Variants in MACROD2 observed in about 807,000 individuals in gnomAD.
MACROD2 encodes ADP-ribose glycohydrolase MACROD2.
A neutral mutation model predicts 70.4 loss-of-function variants in MACROD2; 36 were observed. The observed-to-expected ratio is 0.51, with a 90% confidence interval of 0.39 to 0.68. The LOEUF is 0.68. MACROD2 is among the 30% of genes least tolerant of loss of function. The probability of loss-of-function intolerance (pLI) is 0.00; values close to 1 mark genes in which losing one functional copy is unlikely to be tolerated. For synonymous variants in MACROD2, 172 were observed against 178.8 expected (o/e 0.96, Z 0.30); for missense variants, 496 against 538.4 (o/e 0.92, Z 0.78).
At chr20:15,078,014 ACTCTTCAG>A (rs1422528547) in intron 5 of MACROD2, among the ~76,000 whole-genome samples, 1 of 151,940 alleles carries the variant, frequency 6.6e-6, no homozygotes, top group African/African-American at 2.4e-5. Context: ...CCAAGCCATT[ACTCTTCAG>A]CTTTCACTGA....
At chr20:14,817,100 C>T (rs1482214997) in intron 5 of MACROD2, among the ~76,000 whole-genome samples, 3 of 152,012 alleles carry the variant, frequency 2.0e-5, no homozygotes, top group Non-Finnish European at 2.9e-5. Context: ...TTTAAGCTGC[C>T]GATTTACAGT....
intron 5 of MACROD2, among the ~76,000 whole-genome samples, chr20:15,134,047 C>T (rs1356470362): frequency 6.0e-5 from 9 of 149,744 alleles, no homozygotes; most frequent in Admixed American, 6.0e-4. Flanking sequence ...GCTGGGAATA[C>T]AGGTGCCCGC....
At chr20:14,852,750 T>C (rs1041808830) in intron 5 of MACROD2, among the ~76,000 whole-genome samples, 1 of 152,172 alleles carries the variant, frequency 6.6e-6, no homozygotes, top group Non-Finnish European at 1.5e-5. Context: ...AAGCAAATTT[T>C]TTGCAGAAAT....
intron 7 of MACROD2, among the ~76,000 whole-genome samples, chr20:15,434,160 AC>A (rs1030071112): frequency 7.2e-5 from 11 of 152,112 alleles, no homozygotes; most frequent in African/African-American, 2.7e-4. Context: ...AGCAGATGCA[AC>A]AAAAACAAAA....
chr20:14,782,197 T>C (rs977118165), intron 5 of MACROD2, among the ~76,000 whole-genome samples: 1 of 152,066 alleles, frequency 6.6e-6, no homozygotes, highest in Non-Finnish European at 1.5e-5. Context: ...GTGCTGGGAT[T>C]ATAGGCATGA....
chr20:14,961,708 C>T (rs772343139), intron 5 of MACROD2, among the ~76,000 whole-genome samples: 5 of 152,152 alleles, frequency 3.3e-5, no homozygotes, highest in East Asian at 1.9e-4. Context: ...TGAGTCACTG[C>T]GCCAGCCTAA....
intron 6 of MACROD2, among the ~76,000 whole-genome samples, chr20:15,405,386 A>C (rs1194189278): frequency 6.6e-6 from 1 of 152,148 alleles, no homozygotes; most frequent in Non-Finnish European, 1.5e-5. Context: ...TCTTCTCTTT[A>C]CCCTCAAATA....
chr20:14,177,477 TG>T (rs2081272354), intron 3 of MACROD2, among the ~76,000 whole-genome samples: 1 of 151,922 alleles, frequency 6.6e-6, no homozygotes, highest in Admixed American at 6.6e-5. Context: ...CCACCACGCC[TG>T]GCTAATTTTG....
intron 8 of MACROD2, among the ~76,000 whole-genome samples, chr20:15,558,247 C>T (rs2048195155): frequency 2.0e-5 from 3 of 152,188 alleles, no homozygotes; most frequent in African/African-American, 7.2e-5. Flanking sequence ...GTGGCCATTC[C>T]ATTCTGATTA....
At chr20:15,759,305 T>C (rs1396009880) in intron 8 of MACROD2, among the ~76,000 whole-genome samples, 2 of 151,972 alleles carry the variant, frequency 1.3e-5, no homozygotes, top group African/African-American at 4.8e-5. Context: ...AAAAAGACAA[T>C]ATAGTACTTA....
chr20:15,525,413 G>A (rs1321850245), intron 8 of MACROD2, among the ~76,000 whole-genome samples: 1 of 152,162 alleles, frequency 6.6e-6, no homozygotes, highest in African/African-American at 2.4e-5. Context: ...CTTTACAACA[G>A]TATGTCCAGT....
chr20:14,383,914 ATCATTT>A (rs1367693096), intron 3 of MACROD2, among the ~76,000 whole-genome samples: 2 of 152,116 alleles, frequency 1.3e-5, no homozygotes, highest in African/African-American at 4.8e-5. Context: ...TTTCCATTAA[ATCATTT>A]ACCAGGGTTT....
chr20:15,827,247 A>G (rs570935098), intron 8 of MACROD2, among the ~76,000 whole-genome samples: 1 of 152,204 alleles, frequency 6.6e-6, no homozygotes, highest in African/African-American at 2.4e-5. Flanking sequence ...CAGAATAAAG[A>G]TATCCATGAT....
intron 2 of MACROD2, among the ~76,000 whole-genome samples, chr20:14,036,016 C>T (rs994683513): frequency 3.9e-5 from 6 of 152,088 alleles, no homozygotes; most frequent in Admixed American, 3.9e-4. Context: ...GTGGCGGGTG[C>T]CTGTAGTCCC....
chr20:15,930,736 G>T (rs1201984979), intron 10 of MACROD2, among the ~76,000 whole-genome samples: 1 of 152,122 alleles, frequency 6.6e-6, no homozygotes, highest in Non-Finnish European at 1.5e-5. Context: ...CTAGGGAGGG[G>T]GGTAGCACAC....
chr20:14,885,809 A>G (rs1281492632), intron 5 of MACROD2, among the ~76,000 whole-genome samples: 1 of 152,098 alleles, frequency 6.6e-6, no homozygotes, highest in African/African-American at 2.4e-5. Context: ...ATTCAGTCGC[A>G]TTCTTTAGAT....
chr20:14,209,535 A>T (rs975883255), intron 3 of MACROD2, among the ~76,000 whole-genome samples: 2 of 152,220 alleles, frequency 1.3e-5, no homozygotes, highest in African/African-American at 4.8e-5. Flanking sequence ...AGCCATGAAA[A>T]GAATAGACTT....
At chr20:14,241,270 T>C (rs2081927208) in intron 3 of MACROD2, among the ~76,000 whole-genome samples, 1 of 152,262 alleles carries the variant, frequency 6.6e-6, no homozygotes, top group African/African-American at 2.4e-5. Context: ...ATCATCTTGC[T>C]AAGTGGTTAT....
intron 5 of MACROD2, among the ~76,000 whole-genome samples, chr20:14,788,763 G>GTTTTTTTT (rs1195877119): frequency 1.3e-5 from 1 of 79,480 alleles, no homozygotes; most frequent in Non-Finnish European, 2.2e-5. Flanking sequence ...TAGTGGTGGT[G>GTTTTTTTT]TTTTTTTTTT....
Sources: allele counts gnomAD v4.1 joint callset (sites outside exome capture counted in the v4.1 genomes callset), GRCh38; gene constraint gnomAD v4.1.1; transcripts MANE v1.5; gene names NCBI Gene and HGNC (gene_info 2026-07-23, HGNC 2026-07-21).